THSD7A: variants seen among roughly 807,000 people sequenced by gnomAD.
The protein encoded by THSD7A is thrombospondin type 1 domain containing 7A, also known as thrombospondin type-1 domain-containing protein 7A.
In THSD7A, 96 loss-of-function variants were observed where a neutral mutation model predicts 231.3. That is an observed-to-expected ratio of 0.41 (90% CI 0.35 to 0.49). The LOEUF (loss-of-function observed/expected upper bound fraction) is 0.49. Among genes scored for constraint, THSD7A ranks in the 20% least tolerant of loss-of-function variants. THSD7A has a pLI of 0.05. For synonymous variants in THSD7A, 940 were observed against 743.3 expected, an observed-to-expected ratio of 1.26 and a Z score of -4.30; for missense variants, 2,290 against 2,070.2, an observed-to-expected ratio of 1.11 and a Z score of -2.06.
intron 4 of THSD7A, among the ~76,000 whole-genome samples, chr7:11,546,223 C>CACACAA (rs1554335300): frequency 0.014 from 2,123 of 148,794 alleles, 56 homozygotes; most frequent in African/African-American, 0.05. Context: ...CACACACACA[C>CACACAA]ACACACACGT....
chr7:11,622,493 T>A (rs1306990336), intron 2 of THSD7A, among the ~76,000 whole-genome samples: 1 of 152,118 alleles, frequency 6.6e-6, no homozygotes, highest in Non-Finnish European at 1.5e-5. Flanking sequence ...TACTTTAAAA[T>A]TAAGAAATAA....
intron 4 of THSD7A, among the ~76,000 whole-genome samples, chr7:11,549,765 G>T (rs573922549): frequency 7.0e-6 from 1 of 143,140 alleles, no homozygotes; most frequent in South Asian, 2.4e-4. Context: ...ACTAGGGCCT[G>T]TTGGGGGAGT....
At chr7:11,780,916 G>A (rs1159175175) in intron 1 of THSD7A, among the ~76,000 whole-genome samples, 3 of 139,168 alleles carry the variant, frequency 2.2e-5, no homozygotes, top group African/African-American at 5.2e-5. Context: ...GCGTGAACCC[G>A]GGAAGCGGAG....
rs545058614 is a variant in THSD7A at position 11,555,275 on chromosome 7, G to T, written c.1454-12158C>A. The stretch of plus-strand genomic sequence containing the variant: ...AGCACTGCTTTAGCTATGCCTCACA[G>T]ATTTTGATATATTTTCTTTTCATCC... On this transcript the variant is annotated intron_variant, in intron 4 of 27. Transcript: ENST00000423059. Among the ~76,000 whole-genome samples, 4 of 151,966 alleles carry T rather than the reference G, an allele frequency of 2.6e-5. No individual in the cohort carries two copies. In the East Asian group the frequency reaches 7.7e-4, roughly 29 times the overall value.
At chr7:11,767,182 T>C (rs1374731533) in intron 1 of THSD7A, among the ~76,000 whole-genome samples, 2 of 152,156 alleles carry the variant, frequency 1.3e-5, no homozygotes, top group Non-Finnish European at 2.9e-5. Flanking sequence ...ACATTCATTG[T>C]TTTTTGGGGT....
intron 2 of THSD7A, among the ~76,000 whole-genome samples, chr7:11,620,603 G>A (rs145158890): frequency 6.6e-6 from 1 of 152,300 alleles, no homozygotes; most frequent in African/African-American, 2.4e-5. Context: ...CAATGGCTGA[G>A]CAGCTCCTCA....
At position 11,795,672 on chromosome 7, in the gene THSD7A, A is replaced by T. The variant is rs147003889; in HGVS notation, c.190+36085T>A. ...ATATAAAATTTACAAATAAATATACATATGTCAGAGGGTTCTCTGCTCCCT... is the reference window on the plus strand; with the variant it reads ...ATATAAAATTTACAAATAAATATACTTATGTCAGAGGGTTCTCTGCTCCCT... On this transcript the variant is annotated intron_variant, in intron 1 of 27. Transcript: ENST00000423059. Among the ~76,000 whole-genome samples, 632 of 152,062 alleles carry T rather than the reference A, an allele frequency of 4.2e-3. 9 individuals carry two copies. Among genetic ancestry groups the T allele is most frequent in the African/African-American group, 0.013 (555 of 41,514 alleles).
intron 1 of THSD7A, chr7:11,820,317 C>G: frequency 1.5e-5 from 11 of 729,314 alleles, no homozygotes; most frequent in Non-Finnish European, 2.0e-5. Context: ...AGAGTGGACC[C>G]TACTCGGTTG....
At chr7:11,570,195 G>C (rs2128334225) in intron 4 of THSD7A, among the ~76,000 whole-genome samples, 1 of 151,930 alleles carries the variant, frequency 6.6e-6, no homozygotes, top group Non-Finnish European at 1.5e-5. Context: ...GAAAAGAAAA[G>C]AAAAGAAAAA....
chr7:11,829,155 T>C (rs897134839), intron 1 of THSD7A, among the ~76,000 whole-genome samples: 2 of 152,138 alleles, frequency 1.3e-5, no homozygotes, highest in African/African-American at 2.4e-5. Flanking sequence ...AATAGTTGGC[T>C]ATTAGTAGTT....
intron 6 of THSD7A, among the ~76,000 whole-genome samples, chr7:11,506,466 A>G (rs1045255692): frequency 5.9e-5 from 9 of 152,062 alleles, no homozygotes; most frequent in East Asian, 3.9e-4. Flanking sequence ...TCTGCCTTCT[A>G]TGTTTGCTCT....
intron 6 of THSD7A, among the ~76,000 whole-genome samples, chr7:11,488,380 T>G (rs1786750576): frequency 6.6e-6 from 1 of 152,094 alleles, no homozygotes; most frequent in Non-Finnish European, 1.5e-5. Context: ...CATTTTCATA[T>G]AACCATCTTA....
chr7:11,581,215 T>C (rs553657570), intron 4 of THSD7A, among the ~76,000 whole-genome samples: 1 of 152,192 alleles, frequency 6.6e-6, no homozygotes, highest in Admixed American at 6.5e-5. Flanking sequence ...TCATTGTTAT[T>C]ACTACTTTTT....
intron 1 of THSD7A, among the ~76,000 whole-genome samples, chr7:11,658,998 G>C (rs987913543): frequency 1.3e-5 from 2 of 151,664 alleles, no homozygotes; most frequent in African/African-American, 2.4e-5. Context: ...TGCACTTTTA[G>C]AGGTATTTCT....
chr7:11,625,764 T>G (rs1481895461), intron 2 of THSD7A, among the ~76,000 whole-genome samples: 1 of 152,162 alleles, frequency 6.6e-6, no homozygotes, highest in East Asian at 1.9e-4. Context: ...AATTTGTATT[T>G]TCTTTTGAAA....
intron 1 of THSD7A, among the ~76,000 whole-genome samples, chr7:11,716,138 C>A (rs907007266): frequency 4.6e-5 from 7 of 151,506 alleles, no homozygotes; most frequent in African/African-American, 1.7e-4. Flanking sequence ...ATACCTCCTG[C>A]CTTTTCCATT....
chr7:11,436,678 G>GT (rs1784644255), intron 13 of THSD7A, among the ~76,000 whole-genome samples: 1 of 149,990 alleles, frequency 6.7e-6, no homozygotes, highest in Non-Finnish European at 1.5e-5. Flanking sequence ...TTTTAAAGTA[G>GT]GTTTTTTTTT....
chr7:11,757,186 A>G (rs1428855675), intron 1 of THSD7A, among the ~76,000 whole-genome samples: 1 of 152,092 alleles, frequency 6.6e-6, no homozygotes, highest in East Asian at 1.9e-4. Context: ...TACTAAAAGC[A>G]CAATGGTAGA....
At position 11,406,855 on chromosome 7, in the gene THSD7A, T is replaced by C. The variant is rs904814306; in HGVS notation, c.4062+55A>G. The C allele has an allele frequency of 1.9e-6, 3 of 1,566,288 alleles. No homozygotes were observed. The highest frequency in any genetic ancestry group is 2.2e-5 in the East Asian group (1 of 44,456). On this transcript the variant is annotated intron_variant, in intron 21 of 27. Coordinates refer to ENST00000423059, the MANE Select transcript of THSD7A (RefSeq NM_015204.3). This position sits in a 1 kb window ranked among gnomAD's most constrained non-coding sequence, Gnocchi z 4.7. Reference sequence around the variant, plus strand: ...CATTATTTTTATGTTTTTCTGCAGATGAAGTCTCTGCAGATAGAGTACACA... The same window carrying C: ...CATTATTTTTATGTTTTTCTGCAGACGAAGTCTCTGCAGATAGAGTACACA...
Sources: gnomAD v4.1 joint callset for allele counts (sites outside exome capture counted in the v4.1 genomes callset) on GRCh38, gnomAD v4.1.1 for gene constraint, Gnocchi (gnomAD v3.1) non-coding constraint, MANE v1.5 for transcripts, NCBI Gene and HGNC (gene_info 2026-07-23, HGNC 2026-07-21) for gene names.